PCDHGA3: variants seen among roughly 807,000 people sequenced by gnomAD.
PCDHGA3 encodes the protein protocadherin gamma-A3.
Under a neutral mutation model 58.5 loss-of-function variants are expected in PCDHGA3, and 40 were observed. That is an observed-to-expected ratio of 0.68 (90% CI 0.53 to 0.89). The LOEUF (loss-of-function observed/expected upper bound fraction) is 0.89, where lower values mean the gene tolerates loss of function less well. Ranked by LOEUF, PCDHGA3 falls within the 40% of genes least tolerant of loss-of-function variation. The probability of loss-of-function intolerance (pLI) is 0.00; values close to 1 mark genes in which losing one functional copy is unlikely to be tolerated. For synonymous variants in PCDHGA3, 530 were observed against 525.7 expected (o/e 1.01, Z -0.11); for missense variants, 1,223 against 1,195.9 (o/e 1.02, Z -0.33).
chr5:141,395,542 TTGTGTG>T (rs55729045), intron 1 of PCDHGA3: 20,097 of 170,756 alleles, frequency 0.12, 1,101 homozygotes, highest in Admixed American at 0.15. Context: ...TTGCTATTGT[TTGTGTG>T]TGTGTGTGTG....
intron 1 of PCDHGA3, chr5:141,418,417 T>G: frequency 6.2e-7 from 1 of 1,614,002 alleles, no homozygotes; most frequent in Non-Finnish European, 8.5e-7. Flanking sequence ...AAGACAATCC[T>G]GATGGTGGCA....
chr5:141,394,380 G>A (rs867131974), intron 1 of PCDHGA3: 2 of 1,614,196 alleles, frequency 1.2e-6, no homozygotes, highest in Non-Finnish European at 1.7e-6. Context: ...TTTCGACTAT[G>A]AGCAGATCCG....
chr5:141,388,958 C>G, intron 1 of PCDHGA3: 1 of 1,613,930 alleles, frequency 6.2e-7, no homozygotes, highest in Non-Finnish European at 8.5e-7. Context: ...TGGAGGACGC[C>G]GAGCTGGGAA....
intron 1 of PCDHGA3, chr5:141,392,992 C>T (rs1233401263): frequency 1.2e-6 from 2 of 1,613,700 alleles, no homozygotes; most frequent in Non-Finnish European, 8.5e-7. Flanking sequence ...CGGAAGCTGG[C>T]GAAGCACGGA....
intron 1 of PCDHGA3, chr5:141,403,257 G>A: frequency 6.2e-7 from 1 of 1,613,902 alleles, no homozygotes; most frequent in Non-Finnish European, 8.5e-7. Flanking sequence ...AGCCCGCGGT[G>A]TCTGGTGAAC....
intron 1 of PCDHGA3, chr5:141,423,756 GGGGGT>G: frequency 1.1e-5 from 5 of 448,566 alleles, no homozygotes; most frequent in African/African-American, 2.8e-5. Context: ...TGTTTGGGGG[GGGGGT>G]GGGGCGGCAT....
In PCDHGA3 at chr5:141,420,182, C is replaced by G. The variant is rs375716662; in HGVS notation, c.2424+73725C>G. The G allele has an allele frequency of 3.7e-6, 6 of 1,613,694 alleles. No individual in the cohort carries two copies. In the African/African-American group the frequency reaches 8.0e-5, roughly 22 times the overall value. Reference sequence around the variant, plus strand: ...TTTTTTCACATCTGTTGATCATTGTCCAGCCACACAAGATAACCTCAACAA... The same window carrying G: ...TTTTTTCACATCTGTTGATCATTGTGCAGCCACACAAGATAACCTCAACAA... On this transcript the variant is annotated intron_variant, in intron 1 of 3. Transcript: ENST00000253812.
intron 3 of PCDHGA3, among the ~76,000 whole-genome samples, chr5:141,510,741 C>A (rs11953770): frequency 1.3e-5 from 2 of 152,138 alleles, no homozygotes; most frequent in Non-Finnish European, 1.5e-5. Context: ...GGAATCAAAC[C>A]TAGACTTTCT....
At chr5:141,372,288 T>A in intron 1 of PCDHGA3, 1 of 1,613,284 alleles carries the variant, frequency 6.2e-7, no homozygotes, top group East Asian at 2.2e-5. Context: ...GGCGCGTACC[T>A]TGGGCGACAG....
At chr5:141,455,634 G>C (rs1429708887) in intron 1 of PCDHGA3, among the ~76,000 whole-genome samples, 1 of 152,110 alleles carries the variant, frequency 6.6e-6, no homozygotes. Context: ...GAGATATGTG[G>C]GGGGCAGCCA....
intron 1 of PCDHGA3, among the ~76,000 whole-genome samples, chr5:141,450,649 G>A (rs2098689040): frequency 6.6e-6 from 1 of 151,674 alleles, no homozygotes; most frequent in African/African-American, 2.4e-5. Flanking sequence ...ACCATGCCTG[G>A]CTAATTTTTG....
At chr5:141,433,295 G>A (rs754784548) in intron 1 of PCDHGA3, 22 of 1,044,006 alleles carry the variant, frequency 2.1e-5, no homozygotes, top group Non-Finnish European at 2.9e-5. Flanking sequence ...CTAGGCTCAA[G>A]CAATTATCCC....
intron 1 of PCDHGA3, chr5:141,371,689 T>C: frequency 6.2e-7 from 1 of 1,613,982 alleles, no homozygotes; most frequent in Non-Finnish European, 8.5e-7. Flanking sequence ...AATCCACCGC[T>C]CTCCTCCAGC....
chr5:141,357,127 G>A (rs756766460), intron 1 of PCDHGA3: 2 of 1,613,446 alleles, frequency 1.2e-6, no homozygotes, highest in Non-Finnish European at 1.7e-6. Context: ...GCAGAGGCTT[G>A]TAGTGGTCGT....
chr5:141,361,135 C>T (rs535070372), intron 1 of PCDHGA3: 3 of 1,613,388 alleles, frequency 1.9e-6, no homozygotes, highest in Non-Finnish European at 2.5e-6. Context: ...CTGCAGTATC[C>T]AAGTTGAAAT....
intron 2 of PCDHGA3, among the ~76,000 whole-genome samples, chr5:141,501,290 TACACACACACACACACACACACAC>T (rs55762287): frequency 7.3e-6 from 1 of 136,162 alleles, no homozygotes; most frequent in African/African-American, 2.7e-5. Flanking sequence ...TATTCCCTTA[TACACACACACACACACACACACAC>T]ACACACACAC....
chr5:141,439,171 C>T (rs948650584), intron 1 of PCDHGA3, among the ~76,000 whole-genome samples: 3 of 146,478 alleles, frequency 2.0e-5, no homozygotes, highest in Non-Finnish European at 3.0e-5. Context: ...CCAGCCTGGG[C>T]GACATAGTGA....
intron 1 of PCDHGA3, chr5:141,421,230 G>T: frequency 6.3e-7 from 1 of 1,590,132 alleles, no homozygotes. Context: ...AGCCTGCCAT[G>T]GCGAATCGGC....
At chr5:141,443,321 A>AC (rs1175439570) in intron 1 of PCDHGA3, among the ~76,000 whole-genome samples, 1 of 151,616 alleles carries the variant, frequency 6.6e-6, no homozygotes, top group African/African-American at 2.4e-5. Flanking sequence ...TCTCTACAAA[A>AC]AAAAAAAACA....
Sources: gnomAD v4.1 joint callset for allele counts (sites outside exome capture counted in the v4.1 genomes callset) on GRCh38, gnomAD v4.1.1 for gene constraint, MANE v1.5 for transcripts, NCBI Gene and HGNC (gene_info 2026-07-23, HGNC 2026-07-21) for gene names.